SLC39A4: variants seen among roughly 807,000 people sequenced by gnomAD.
SLC39A4 encodes zinc transporter ZIP4.
Under a neutral mutation model 56.6 loss-of-function variants are expected in SLC39A4, and 49 were observed. The ratio of observed to expected loss-of-function variants is 0.87; its 90% CI spans 0.69 to 1.10. The LOEUF is 1.10. Ranked by LOEUF, SLC39A4 falls within the 50% of genes least tolerant of loss-of-function variation. SLC39A4 has a pLI of 0.00. For synonymous variants in SLC39A4, 540 were observed against 420.4 expected (o/e 1.28, Z -3.48); for missense variants, 993 against 864.2 (o/e 1.15, Z -1.87).
At chr8:144,414,568 C>T (rs1193699087) in intron 5 of SLC39A4, 134 bp from the exon 6 acceptor site, 3 of 1,492,222 alleles carry the variant, frequency 2.0e-6, no homozygotes, top group East Asian at 4.9e-5. Flanking sequence ...TGCCTCAAAG[C>T]CCCACTCTCC....
Position 144,415,872 on chromosome 8 carries a change from G to T in SLC39A4, c.412C>A (p.Pro138Thr). 1 of 1,597,814 alleles carries T rather than the reference G, an allele frequency of 6.3e-7. No individual in the cohort carries two copies. The highest frequency in any genetic ancestry group is 2.2e-5 in the East Asian group (1 of 44,502). Residue 138 changes from proline (P) to threonine (T), a missense_variant, in exon 2 of 12, where the codon CCG becomes ACG. Transcript: ENST00000301305. ...ALLESPKALTPGLSWLLQRMQ... is the reference protein window; with the variant it reads ...ALLESPKALTTGLSWLLQRMQ... Reference sequence around the variant, plus strand: ...CTCTGCAGCAGCCAGCTCAGGCCCGGGGTCAGGGCCTTGGGGCTCTCGAGC... The same window carrying T: ...CTCTGCAGCAGCCAGCTCAGGCCCGTGGTCAGGGCCTTGGGGCTCTCGAGC...
intron 6 of SLC39A4, 47 bp downstream of exon 6, chr8:144,414,215 C>T (rs1554872908): frequency 3.1e-6 from 5 of 1,595,644 alleles, no homozygotes; most frequent in South Asian, 2.3e-5. Context: ...CCTGGGAGTC[C>T]ATGGTGGGGA....
intron 11 of SLC39A4, 46 bp downstream of exon 11, chr8:144,412,713 T>C (rs200792323): frequency 1.2e-6 from 2 of 1,613,430 alleles, no homozygotes; most frequent in East Asian, 2.2e-5. Context: ...TCAGCTCCTC[T>C]GCTCAGCTCC....
chr8:144,415,723 C>G, intron 2 of SLC39A4, 87 bp downstream of exon 2: 1 of 1,447,350 alleles, frequency 6.9e-7, no homozygotes, highest in South Asian at 1.4e-5. Flanking sequence ...CCCCCAGGCT[C>G]CCCGAAGGCT....
In SLC39A4 at chr8:144,414,451, CG is replaced by C; in HGVS notation, c.977-18del. The C allele has an allele frequency of 6.4e-7, 1 of 1,550,540 alleles. No individual in the cohort carries two copies. ...ACAGATACCCTGGGGGCGGGTGAGG[CG>C]GCTGTGAGAGCTTTTCTTCCAGACT... On this transcript the variant is annotated intron_variant, in intron 5 of 11. Transcript: ENST00000301305.
intron 8 of SLC39A4, 72 bp from the exon 9 acceptor site, chr8:144,413,639 A>C: frequency 6.5e-7 from 1 of 1,546,380 alleles, no homozygotes; most frequent in South Asian, 1.2e-5. Context: ...GGGGCCCCAG[A>C]TCACCGCGGG....
rs1554873623 is a variant in SLC39A4, at chr8:144,415,378, C to T, written c.516G>A (p.Gly172=). 3 of 1,608,608 alleles carry T rather than the reference C, an allele frequency of 1.9e-6. No individual in the cohort carries two copies. The highest frequency in any genetic ancestry group is 2.5e-6 in the Non-Finnish European group (3 of 1,178,208). ...DIPQLLEEAV[G]AGAPGSAGGV... ...CGCCAGCACTGCCCGGAGCCCCCGC[C>T]CCCACCGCCTCCTCCAGCAGCTGAG... Residue 172 remains glycine (G), a synonymous_variant, in exon 3 of 12, where the codon GGG becomes GGA. Transcript: ENST00000301305.
Position 144,414,903 on chromosome 8 carries a change from G to A in SLC39A4, c.805-7C>T, listed in dbSNP as rs782237501. On this transcript the variant is annotated splice_region_variant and splice_polypyrimidine_tract_variant and intron_variant, in intron 4 of 11. Coordinates refer to ENST00000301305, the MANE Select transcript of SLC39A4 (RefSeq NM_130849.4). ...CCCTGGCACTCAGGCATACCTGGGG[G>A]GTGGCAGGACAGGCTCAGGGGCCCA... is the stretch of plus-strand genomic sequence containing the variant. 8 of 1,613,196 alleles carry A rather than the reference G, an allele frequency of 5.0e-6. No individual in the cohort carries two copies. The South Asian group carries it at 6.6e-5, about 13-fold the overall frequency.
At chr8:144,413,705 G>A in intron 8 of SLC39A4, 45 bp downstream of exon 8, 1 of 1,535,700 alleles carries the variant, frequency 6.5e-7, no homozygotes, top group South Asian at 1.2e-5. Flanking sequence ...GAAGGGGTCG[G>A]TGGGAGGGGC....
intron 5 of SLC39A4, 83 bp from the exon 6 acceptor site, chr8:144,414,517 G>T: frequency 6.5e-7 from 1 of 1,541,104 alleles, no homozygotes; most frequent in Admixed American, 2.0e-5. Context: ...AGAGCTGCAG[G>T]CCGTCAGTGT....
Position 144,413,178 on chromosome 8 carries a change from C to G in SLC39A4, c.1627+59G>C. 4.0e-6 allele frequency: 6 copies of G among 1,486,850 alleles called. No individual in the cohort carries two copies. The South Asian group carries it at 6.1e-5, about 15-fold the overall frequency. 92.1% of individuals were successfully genotyped at this position (1,486,850 alleles called of 1,614,324 possible). On this transcript the variant is annotated intron_variant, in intron 10 of 11. Coordinates refer to ENST00000301305, the MANE Select transcript of SLC39A4 (RefSeq NM_130849.4). ...CAGGCCCCGCCCACCTGTTCCAGGT[C>G]TCCCCTCCCAGCCCCGTGCGGCCCC...
At chr8:144,412,737 C>T (rs543926022) in intron 11 of SLC39A4, 22 bp downstream of exon 11, 3 of 1,613,202 alleles carry the variant, frequency 1.9e-6, no homozygotes, top group Non-Finnish European at 2.5e-6. Context: ...CCCAGAGCAG[C>T]CCCTCCCCTC....
In SLC39A4 at chr8:144,414,122, G is replaced by T. The variant is rs1554872863; in HGVS notation, c.1150-27C>A. The T allele has an allele frequency of 5.1e-6, 8 of 1,554,842 alleles. No individual in the cohort carries two copies. In the South Asian group the frequency reaches 7.1e-5, roughly 14 times the overall value. On this transcript the variant is annotated intron_variant, in intron 6 of 11. Transcript: ENST00000301305. ...TGGGGAGTAGGGGCGCTGGGCTGGG[G>T]GGGAGGTCCCAGGGCGCCTCCCACC... is the stretch of plus-strand genomic sequence containing the variant.
At position 144,414,085 on chromosome 8, in the gene SLC39A4, A is replaced by G. The variant is rs1159656091; in HGVS notation, c.1160T>C (p.Leu387Pro). Residue 387 changes from leucine to proline, a missense_variant, in exon 7 of 12, where the codon CTG becomes CCG. Transcript: ENST00000301305. ...VLHLTPKVLG[L>P]HTHSEEGLSP... ...GAGGCCCTCTTCGCTGTGTGTATGC[A>G]GCCCCAGCACCTGGGGAGTAGGGGC... is the stretch of plus-strand genomic sequence containing the variant. The G allele has an allele frequency of 4.5e-6, 7 of 1,558,018 alleles. No homozygotes were observed. The Admixed American group carries it at 9.7e-5, about 22-fold the overall frequency.
In SLC39A4 at chr8:144,414,385, G is replaced by A; in HGVS notation, c.1026C>T (p.Val342=). ...TGCAGGTCAGCAGCAGGAGGCCAAA[G>A]ACCGCGCAGAGGCAGATGAGCAGCG... is the stretch of plus-strand genomic sequence containing the variant. The part of the protein sequence containing the change: ...LATLLICLCA[V]FGLLLLTCTG... The change falls in exon 6 of 12, where the codon GTC becomes GTT. Residue 342 remains valine (V), a synonymous_variant. Transcript: ENST00000301305. 1 of 1,578,224 alleles carries A rather than the reference G, an allele frequency of 6.3e-7. No homozygotes were observed. The highest frequency in any genetic ancestry group is 1.3e-5 in the African/African-American group (1 of 74,556).
intron 2 of SLC39A4, 144 bp from the exon 3 acceptor site, chr8:144,415,563 G>A (rs555727280): frequency 8.3e-5 from 97 of 1,174,316 alleles, no homozygotes; most frequent in East Asian, 6.4e-4. Flanking sequence ...CCTCCCTGCC[G>A]GGCCCAGCTG....
rs1821915662 is a variant in SLC39A4 at position 144,412,462 on chromosome 8, G to A, written c.*76C>T. 1.2e-6 allele frequency: 2 copies of A among 1,612,100 alleles called. No homozygotes were observed. Among genetic ancestry groups the A allele is most frequent in the African/African-American group, 1.3e-5 (1 of 74,884 alleles). On this transcript the variant is annotated 3_prime_UTR_variant, in exon 12 of 12. Coordinates refer to ENST00000301305, the MANE Select transcript of SLC39A4 (RefSeq NM_130849.4). ...TGGAGTTGGGACTGGGGCCTCTATA[G>A]GGGCTTCTGGTTTCTGGGCTGTAGG...
At chr8:144,413,102 C>A in intron 10 of SLC39A4, 135 bp downstream of exon 10, 1 of 1,483,122 alleles carries the variant, frequency 6.7e-7, no homozygotes, top group Non-Finnish European at 9.0e-7. Context: ...AGGCCCCGCC[C>A]CACCTGTTTC....
At position 144,413,240 on chromosome 8, in the gene SLC39A4, G is replaced by T; in HGVS notation, c.1624C>A (p.Leu542Met). Residue 542 changes from leucine to methionine, a missense_variant, in exon 10 of 12, where the codon CTG becomes ATG. Coordinates refer to ENST00000301305, the MANE Select transcript of SLC39A4 (RefSeq NM_130849.4). ...TCCAGGCCCCGCCTGCGCTCACCCA[G>T]CTCGTGTGGCAACTCGTGGCAGAAC... ...AVFCHELPHELGDFAALLHAG... is the reference protein window; with the variant it reads ...AVFCHELPHEMGDFAALLHAG... 1.3e-6 allele frequency: 2 copies of T among 1,570,890 alleles called. No homozygotes were observed. Among genetic ancestry groups the T allele is most frequent in the South Asian group, 1.1e-5 (1 of 87,458 alleles).
Sources: allele counts gnomAD v4.1 joint callset, GRCh38; gene constraint gnomAD v4.1.1; transcripts MANE v1.5; gene names NCBI Gene and HGNC (gene_info 2026-07-23, HGNC 2026-07-21).